NHERF1: variants seen among roughly 807,000 people sequenced by gnomAD.
NHERF1 encodes the protein NHERF family PDZ scaffold protein 1.
the NHERF1 span, chr17:74,748,680 G>T: frequency 1.6e-5 from 10 of 612,404 alleles, no homozygotes; most frequent in Non-Finnish European, 2.8e-5. This position sits in a 1 kb window ranked among gnomAD's most constrained non-coding sequence, Gnocchi z 4.3. Flanking sequence ...GCTCCTCGCG[G>T]CTCGCGGCGG....
chr17:74,750,376 G>A, the NHERF1 span, among the ~76,000 whole-genome samples: 2 of 152,188 alleles, frequency 1.3e-5, no homozygotes, highest in African/African-American at 4.8e-5. Context: ...TCTCCCTGGT[G>A]GCAGTGTCTG....
the NHERF1 span, among the ~76,000 whole-genome samples, chr17:74,755,182 G>GTGGT: frequency 2.0e-5 from 3 of 152,236 alleles, no homozygotes; most frequent in African/African-American, 7.2e-5. Context: ...GACCATCACA[G>GTGGT]TGGTATAAAT....
the NHERF1 span, among the ~76,000 whole-genome samples, chr17:74,758,519 G>C: frequency 6.6e-6 from 1 of 152,232 alleles, no homozygotes; most frequent in Non-Finnish European, 1.5e-5. The surrounding 1 kb of genome is among the most constrained non-coding windows in gnomAD (Gnocchi z 4.3). Context: ...CTCTCTGCCA[G>C]TCTCCTCTCT....
At chr17:74,754,187 A>T in the NHERF1 span, among the ~76,000 whole-genome samples, 5 of 151,736 alleles carry the variant, frequency 3.3e-5, no homozygotes, top group South Asian at 1.0e-3. Flanking sequence ...AAGAAAGAAG[A>T]AGCTCAGCCG....
the NHERF1 span, chr17:74,768,636 G>A: frequency 2.0e-5 from 33 of 1,613,990 alleles, no homozygotes; most frequent in East Asian, 2.9e-4. Context: ...CAAGAAAAAC[G>A]AACTCTTCAG....
At chr17:74,749,142 T>G in the NHERF1 span, 1 of 1,559,274 alleles carries the variant, frequency 6.4e-7, no homozygotes, top group South Asian at 1.2e-5. This position sits in a 1 kb window ranked among gnomAD's most constrained non-coding sequence, Gnocchi z 5.6. Flanking sequence ...GACGAGCAGC[T>G]GCAGAAGCTC....
At chr17:74,762,021 C>A in the NHERF1 span, 4 of 1,614,010 alleles carry the variant, frequency 2.5e-6, no homozygotes, top group Non-Finnish European at 1.7e-6. The surrounding 1 kb of genome is among the most constrained non-coding windows in gnomAD (Gnocchi z 4.2). Context: ...GCGCGAGCTT[C>A]GGCCTCGGCT....
At chr17:74,768,251 CG>C in the NHERF1 span, 11 of 1,590,504 alleles carry the variant, frequency 6.9e-6, no homozygotes, top group Non-Finnish European at 9.5e-6. Flanking sequence ...GCCAGCCATG[CG>C]GGGGGTGGCA....
the NHERF1 span, among the ~76,000 whole-genome samples, chr17:74,750,819 C>CT: frequency 6.8e-6 from 1 of 147,278 alleles, no homozygotes; most frequent in South Asian, 2.2e-4. Context: ...TCCCTTTGCC[C>CT]TTTTGGTTAT....
At chr17:74,762,080 C>T in the NHERF1 span, 10 of 1,614,092 alleles carry the variant, frequency 6.2e-6, no homozygotes, top group Non-Finnish European at 8.5e-6. This position sits in a 1 kb window ranked among gnomAD's most constrained non-coding sequence, Gnocchi z 4.2. Flanking sequence ...ACCTGCACAG[C>T]GACAAGTCCA....
At chr17:74,748,765 C>G in the NHERF1 span, 5 of 1,293,094 alleles carry the variant, frequency 3.9e-6, no homozygotes, top group Non-Finnish European at 5.3e-6. This position sits in a 1 kb window ranked among gnomAD's most constrained non-coding sequence, Gnocchi z 4.3. Flanking sequence ...TCCCGGTTCG[C>G]TGGACGGGAA....
chr17:74,753,880 G>A, the NHERF1 span, among the ~76,000 whole-genome samples: 1 of 152,148 alleles, frequency 6.6e-6, no homozygotes, highest in African/African-American at 2.4e-5. Context: ...GCCAGGCACG[G>A]TGGCTCACGC....
At chr17:74,765,209 C>G in the NHERF1 span, among the ~76,000 whole-genome samples, 1 of 152,162 alleles carries the variant, frequency 6.6e-6, no homozygotes, top group Admixed American at 6.5e-5. Flanking sequence ...CTCGTCCCCC[C>G]TCATTTCCTG....
the NHERF1 span, among the ~76,000 whole-genome samples, chr17:74,754,625 C>T: frequency 1.3e-5 from 2 of 151,716 alleles, no homozygotes; most frequent in African/African-American, 2.4e-5. Context: ...CTGGGTGGCA[C>T]CTGTCACAAC....
the NHERF1 span, among the ~76,000 whole-genome samples, chr17:74,767,589 G>T: frequency 6.6e-6 from 1 of 152,212 alleles, no homozygotes. Context: ...TACTTGGCAA[G>T]GGGGAGGGCC....
At chr17:74,758,281 G>A in the NHERF1 span, among the ~76,000 whole-genome samples, 11 of 152,362 alleles carry the variant, frequency 7.2e-5, no homozygotes, top group South Asian at 6.2e-4. The surrounding 1 kb of genome is among the most constrained non-coding windows in gnomAD (Gnocchi z 4.3). Context: ...CACTTAGGGC[G>A]CGGTGAAGCT....
At chr17:74,757,065 C>G in the NHERF1 span, among the ~76,000 whole-genome samples, 1 of 152,310 alleles carries the variant, frequency 6.6e-6, no homozygotes, top group East Asian at 1.9e-4. Flanking sequence ...AGGTACCAGC[C>G]TGCTCCATCC....
the NHERF1 span, chr17:74,768,037 A>G: frequency 2.4e-6 from 2 of 821,364 alleles, no homozygotes; most frequent in Non-Finnish European, 4.4e-6. Context: ...CCAGGGCATC[A>G]GTGCTACCTC....
the NHERF1 span, among the ~76,000 whole-genome samples, chr17:74,761,211 G>A: frequency 6.6e-6 from 1 of 152,176 alleles, no homozygotes; most frequent in African/African-American, 2.4e-5. The surrounding 1 kb of genome is among the most constrained non-coding windows in gnomAD (Gnocchi z 4.3). Context: ...GCCACACTGG[G>A]CTCCCTTTAG....
Sources: allele counts gnomAD v4.1 joint callset (sites outside exome capture counted in the v4.1 genomes callset), GRCh38; gene constraint gnomAD v4.1.1; non-coding constraint Gnocchi (gnomAD v3.1); transcripts MANE v1.5; gene names NCBI Gene and HGNC (gene_info 2026-07-23, HGNC 2026-07-21).